SHC4: variants seen among roughly 807,000 people sequenced by gnomAD.
SHC4 encodes SHC adaptor protein 4.
A neutral mutation model predicts 69.4 loss-of-function variants in SHC4; 41 were observed. That is an observed-to-expected ratio of 0.59 (90% CI 0.46 to 0.77). The LOEUF (loss-of-function observed/expected upper bound fraction) is 0.77, where lower values mean the gene tolerates loss of function less well. SHC4 is among the 30% of genes least tolerant of loss of function. SHC4 has a pLI of 0.00. For synonymous variants in SHC4, 318 were observed against 299.3 expected (o/e 1.06, Z -0.64); for missense variants, 777 against 783.8 (o/e 0.99, Z 0.10).
At chr15:48,832,001 T>G (rs1190705161) in intron 11 of SHC4, among the ~76,000 whole-genome samples, 1 of 152,232 alleles carries the variant, frequency 6.6e-6, no homozygotes, top group African/African-American at 2.4e-5. Context: ...CCAGGAACGG[T>G]GGCTCACGCC....
chr15:48,904,249 A>AT (rs1238085216), intron 2 of SHC4, among the ~76,000 whole-genome samples: 4 of 152,192 alleles, frequency 2.6e-5, no homozygotes, highest in African/African-American at 7.2e-5. Context: ...TCTACCACCT[A>AT]TTGACTTGCT....
intron 2 of SHC4, among the ~76,000 whole-genome samples, chr15:48,905,480 CT>C (rs1438843987): frequency 6.6e-6 from 1 of 152,176 alleles, no homozygotes; most frequent in Admixed American, 6.5e-5. Flanking sequence ...CCTATTCTTA[CT>C]TGCATTGTAA....
chr15:48,856,115 C>T lies in SHC4; in HGVS notation c.1080G>A (p.Val360=), dbSNP rs1412858719. Residue 360 remains valine (V), a synonymous_variant, in exon 8 of 12, where the codon GTG becomes GTA. Coordinates refer to ENST00000332408, the MANE Select transcript of SHC4 (RefSeq NM_203349.4). ...TCTCCTCGGCATGGCTATCAATATGCACCTCCTCACTGTGAAGGAAAAAAG... is the reference window on the plus strand; with the variant it reads ...TCTCCTCGGCATGGCTATCAATATGTACCTCCTCACTGTGAAGGAAAAAAG... ...SLNTSCESEE[V]HIDSHAEERE... 2 of 1,612,258 alleles carry T rather than the reference C, an allele frequency of 1.2e-6. No homozygotes were observed. Among genetic ancestry groups the T allele is most frequent in the Admixed American group, 3.3e-5 (2 of 59,742 alleles).
chr15:48,931,448 T>G (rs988336533), intron 1 of SHC4, among the ~76,000 whole-genome samples: 1 of 152,190 alleles, frequency 6.6e-6, no homozygotes, highest in African/African-American at 2.4e-5. Flanking sequence ...TACTTACATT[T>G]CTGATCTAAA....
At chr15:48,933,029 A>G (rs1370008722) in intron 1 of SHC4, among the ~76,000 whole-genome samples, 1 of 152,220 alleles carries the variant, frequency 6.6e-6, no homozygotes, top group Non-Finnish European at 1.5e-5. Context: ...TAAATTTCCC[A>G]AAAGAATAAT....
chr15:48,889,481 TATC>T (rs1446971720), intron 3 of SHC4, among the ~76,000 whole-genome samples: 1 of 152,156 alleles, frequency 6.6e-6, no homozygotes, highest in Non-Finnish European at 1.5e-5. Flanking sequence ...CTCAGGCAAA[TATC>T]ATCTCTTGTC....
chr15:48,955,039 C>G (rs1901421829), intron 1 of SHC4, among the ~76,000 whole-genome samples: 1 of 152,164 alleles, frequency 6.6e-6, no homozygotes, highest in Admixed American at 6.5e-5. Context: ...CCCTTAAAAA[C>G]TCTTTGCAAC....
chr15:48,875,280 T>C (rs917762387), intron 4 of SHC4, among the ~76,000 whole-genome samples: 3 of 152,234 alleles, frequency 2.0e-5, no homozygotes, highest in Non-Finnish European at 4.4e-5. Flanking sequence ...TTGGAGTTTT[T>C]CAAAAGAAAA....
intron 2 of SHC4, among the ~76,000 whole-genome samples, chr15:48,923,161 T>A (rs1433141500): frequency 6.6e-6 from 1 of 151,970 alleles, no homozygotes; most frequent in Non-Finnish European, 1.5e-5. Context: ...AGGCAGAGAG[T>A]CTCAATCAGC....
chr15:48,946,577 T>G, intron 1 of SHC4: 2 of 984,254 alleles, frequency 2.0e-6, no homozygotes, highest in Non-Finnish European at 2.4e-6. Flanking sequence ...GAAGAGAAAT[T>G]TGGAGATTTG....
chr15:48,913,127 G>A (rs2141017820), intron 2 of SHC4, among the ~76,000 whole-genome samples: 1 of 151,936 alleles, frequency 6.6e-6, no homozygotes, highest in African/African-American at 2.4e-5. Context: ...GTATAGAGAG[G>A]AGCCCTTAGT....
At chr15:48,879,370 C>T (rs1899894746) in intron 4 of SHC4, 1 of 167,056 alleles carries the variant, frequency 6.0e-6, no homozygotes, top group Admixed American at 6.5e-5. Flanking sequence ...GTATCTTGAT[C>T]ATTTATAAAG....
chr15:48,833,236 G>A (rs534265363), intron 11 of SHC4, among the ~76,000 whole-genome samples: 1 of 152,236 alleles, frequency 6.6e-6, no homozygotes, highest in African/African-American at 2.4e-5. Context: ...CCTTCTGTGG[G>A]GGGACGTGAC....
At chr15:48,839,972 T>C (rs1214880681) in intron 10 of SHC4, among the ~76,000 whole-genome samples, 2 of 152,260 alleles carry the variant, frequency 1.3e-5, no homozygotes, top group Non-Finnish European at 2.9e-5. Flanking sequence ...CACATGTCTA[T>C]GGTCTGCCAA....
rs1043996957 is a variant in SHC4, at chr15:48,878,755, A to C, written c.840+5493T>G. 2.5e-6 allele frequency: 4 copies of C among 1,596,328 alleles called. No homozygotes were observed. The African/African-American group carries it at 5.4e-5, about 21-fold the overall frequency. ...ATAGAGAGTAGTTAGATGCTGTTAA[A>C]AGAGGAGGAAACTACTTGAGGAGGG... is the stretch of plus-strand genomic sequence containing the variant. On this transcript the variant is annotated intron_variant, in intron 4 of 11. Transcript: ENST00000332408.
intron 9 of SHC4, among the ~76,000 whole-genome samples, chr15:48,845,342 T>TA (rs917760320): frequency 3.9e-5 from 6 of 152,200 alleles, no homozygotes; most frequent in Admixed American, 3.3e-4. Context: ...TGTCAGCTGT[T>TA]ACATGTCATC....
At chr15:48,935,907 T>A (rs1901060910) in intron 1 of SHC4, among the ~76,000 whole-genome samples, 1 of 152,136 alleles carries the variant, frequency 6.6e-6, no homozygotes, top group African/African-American at 2.4e-5. Context: ...CATTATATAA[T>A]AATATGTATA....
chr15:48,956,279 T>C (rs1414119470), intron 1 of SHC4, among the ~76,000 whole-genome samples: 1 of 152,152 alleles, frequency 6.6e-6, no homozygotes, highest in African/African-American at 2.4e-5. Flanking sequence ...CATGTTTCTT[T>C]GCTGTGGGTA....
At chr15:48,896,277 T>C (rs1595748953) in intron 2 of SHC4, among the ~76,000 whole-genome samples, 2 of 134,454 alleles carry the variant, frequency 1.5e-5, no homozygotes, top group Admixed American at 7.4e-5. Flanking sequence ...TCTCCCTCTC[T>C]CTCTCTCTCT....
Sources: allele counts gnomAD v4.1 joint callset (sites outside exome capture counted in the v4.1 genomes callset), GRCh38; gene constraint gnomAD v4.1.1; transcripts MANE v1.5; gene names NCBI Gene and HGNC (gene_info 2026-07-23, HGNC 2026-07-21).